Variants in PSD3 observed in about 807,000 individuals in gnomAD.
The protein encoded by PSD3 is pleckstrin and Sec7 domain containing 3.
A neutral mutation model predicts 105.5 loss-of-function variants in PSD3; 49 were observed. That is an observed-to-expected ratio of 0.46 (90% CI 0.37 to 0.59). The LOEUF is 0.59. Among genes scored for constraint, PSD3 ranks in the 20% least tolerant of loss-of-function variants. PSD3 has a pLI of 0.00. For synonymous variants in PSD3, 557 were observed against 457.8 expected (o/e 1.22, Z -2.77); for missense variants, 1,561 against 1,263.8 (o/e 1.24, Z -3.57).
Position 18,715,332 on chromosome 8 carries a change from G to A in PSD3, c.2172+50117C>T, listed in dbSNP as rs377618254. Among the ~76,000 whole-genome samples the A allele has an allele frequency of 3.3e-5, 5 of 151,798 alleles. No individual in the cohort carries two copies. The East Asian group carries it at 5.8e-4, about 18-fold the overall frequency. Reference sequence around the variant, plus strand: ...AATTAACATAATGACCCATTAATAGGTTACAATCTACACTTTGAAAAGCAT... The same window carrying A: ...AATTAACATAATGACCCATTAATAGATTACAATCTACACTTTGAAAAGCAT... On this transcript the variant is annotated intron_variant, in intron 9 of 15. Transcript: ENST00000327040.
At chr8:18,608,326 G>A (rs962099828) in intron 11 of PSD3, among the ~76,000 whole-genome samples, 1 of 152,236 alleles carries the variant, frequency 6.6e-6, no homozygotes, top group Non-Finnish European at 1.5e-5. Context: ...GTCTGTACCA[G>A]TACACAGTCT....
intron 1 of PSD3, among the ~76,000 whole-genome samples, chr8:18,958,191 C>T (rs991797644): frequency 1.3e-5 from 2 of 152,122 alleles, no homozygotes; most frequent in African/African-American, 4.8e-5. Flanking sequence ...GTGTGCTACA[C>T]TGAAACTACC....
chr8:18,767,648 G>A (rs1262081788), intron 8 of PSD3, among the ~76,000 whole-genome samples: 1 of 152,152 alleles, frequency 6.6e-6, no homozygotes, highest in Non-Finnish European at 1.5e-5. Context: ...TTGGGAGGCT[G>A]AGGCAGAATA....
chr8:18,614,846 G>T (rs1291083929), intron 11 of PSD3, among the ~76,000 whole-genome samples: 1 of 150,422 alleles, frequency 6.6e-6, no homozygotes, highest in African/African-American at 2.5e-5. Context: ...ATGTTGCCCC[G>T]GCTGGTCTCG....
At chr8:18,825,052 A>C (rs976091948) in intron 4 of PSD3, among the ~76,000 whole-genome samples, 4 of 152,202 alleles carry the variant, frequency 2.6e-5, no homozygotes, top group African/African-American at 9.6e-5. Context: ...ACTATGAATC[A>C]TTTTGTACCT....
intron 4 of PSD3, among the ~76,000 whole-genome samples, chr8:18,820,805 C>T (rs948651311): frequency 2.6e-5 from 4 of 152,128 alleles, no homozygotes; most frequent in Non-Finnish European, 5.9e-5. Context: ...GCTCTATCAC[C>T]CAGGCTGGAG....
At chr8:19,076,576 A>G (rs527887486) in intron 1 of PSD3, among the ~76,000 whole-genome samples, 1 of 152,338 alleles carries the variant, frequency 6.6e-6, no homozygotes, top group South Asian at 2.1e-4. Context: ...TAGAGTGATT[A>G]CTTATATTAT....
At chr8:18,929,440 C>T (rs141753572) in intron 2 of PSD3, among the ~76,000 whole-genome samples, 1 of 152,270 alleles carries the variant, frequency 6.6e-6, no homozygotes, top group East Asian at 1.9e-4. Context: ...GAAAAATCAT[C>T]TGCAGAACAG....
chr8:18,911,235 T>C (rs74971677), intron 2 of PSD3, among the ~76,000 whole-genome samples: 7,541 of 152,244 alleles, frequency 0.05, 208 homozygotes, highest in Admixed American at 0.081. Flanking sequence ...CAGACTTTGG[T>C]TTAAAGACTG....
At chr8:18,839,506 G>T (rs7821866) in intron 4 of PSD3, among the ~76,000 whole-genome samples, 7,443 of 152,156 alleles carry the variant, frequency 0.049, 294 homozygotes, top group African/African-American at 0.1. Context: ...TAAAGGTGGA[G>T]TCTGTTTGCT....
chr8:18,762,951 A>G (rs536157947), intron 9 of PSD3: 3 of 1,283,120 alleles, frequency 2.3e-6, no homozygotes, highest in East Asian at 5.6e-5. Flanking sequence ...GACACCTCCA[A>G]TATTTCTCAG....
intron 1 of PSD3, among the ~76,000 whole-genome samples, chr8:19,065,547 A>AT (rs1829048167): frequency 2.0e-5 from 3 of 152,152 alleles, no homozygotes; most frequent in Admixed American, 6.5e-5. Flanking sequence ...CTTGGGTTTG[A>AT]TTAATTTGCT....
chr8:18,890,461 G>C (rs1182370279), intron 2 of PSD3, among the ~76,000 whole-genome samples: 1 of 152,186 alleles, frequency 6.6e-6, no homozygotes, highest in Non-Finnish European at 1.5e-5. Flanking sequence ...CGAGAGGAGA[G>C]AGGTGAAAAG....
At chr8:19,059,919 A>T (rs974227288) in intron 1 of PSD3, among the ~76,000 whole-genome samples, 1 of 152,196 alleles carries the variant, frequency 6.6e-6, no homozygotes. Flanking sequence ...CTGTGCAGAG[A>T]GCTGCATCCC....
Position 18,751,226 on chromosome 8 carries a change from G to C in PSD3, c.2172+14223C>G, listed in dbSNP as rs1805462246. Among the ~76,000 whole-genome samples the C allele has an allele frequency of 3.3e-5, 5 of 152,224 alleles. No homozygotes were observed. In the South Asian group the frequency reaches 1.0e-3, roughly 31 times the overall value. On this transcript the variant is annotated intron_variant, in intron 9 of 15. Transcript: ENST00000327040. ...AAGGCCCGGCGAGAAATCGAGCACA[G>C]CGCTGGTGGGCCGGCACTGCTGGGG...
chr8:18,871,290 G>T (rs191485524), intron 3 of PSD3, among the ~76,000 whole-genome samples: 107 of 152,270 alleles, frequency 7.0e-4, no homozygotes, highest in African/African-American at 2.4e-3. Flanking sequence ...TGACTGTGGG[G>T]TATGTTAGTT....
intron 2 of PSD3, among the ~76,000 whole-genome samples, chr8:18,923,934 T>TGTGTGTGTATTATATATATATACA (rs1821194697): frequency 6.6e-6 from 1 of 151,864 alleles, no homozygotes; most frequent in African/African-American, 2.4e-5. Context: ...TATACATATA[T>TGTGTGTGTATTATATATATATACA]TAAACACCAA....
chr8:18,801,121 A>C (rs569315482), intron 7 of PSD3, 149 bp downstream of exon 7: 53 of 492,952 alleles, frequency 1.1e-4, no homozygotes, highest in African/African-American at 9.5e-4. Context: ...ATTAAATATT[A>C]AATAGACTAG....
chr8:18,930,397 T>C (rs1029095738), intron 2 of PSD3, among the ~76,000 whole-genome samples: 5 of 152,204 alleles, frequency 3.3e-5, no homozygotes, highest in African/African-American at 1.2e-4. Context: ...TTCAGTTACC[T>C]AATTCCTAAT....
Sources: allele counts gnomAD v4.1 joint callset (sites outside exome capture counted in the v4.1 genomes callset), GRCh38; gene constraint gnomAD v4.1.1; transcripts MANE v1.5; gene names NCBI Gene and HGNC (gene_info 2026-07-23, HGNC 2026-07-21).